ACACB: variants seen among roughly 807,000 people sequenced by gnomAD.
ACACB encodes acetyl-CoA carboxylase 2.
A neutral mutation model predicts 278.8 loss-of-function variants in ACACB; 209 were observed. The ratio of observed to expected loss-of-function variants is 0.75; its 90% CI spans 0.67 to 0.84. ACACB has a LOEUF of 0.84. Ranked by LOEUF, ACACB falls within the 40% of genes least tolerant of loss-of-function variation. The pLI is 0.00. For missense variants in ACACB, 2,850 were observed against 3,269.0 expected (o/e 0.87, Z 3.13); for synonymous variants, 1,174 against 1,285.6 (o/e 0.91, Z 1.86).
At position 109,264,476 on chromosome 12, in the gene ACACB, G is replaced by A. The variant is rs886644511; in HGVS notation, c.6942+90G>A. On this transcript the variant is annotated intron_variant, in intron 50 of 52. Coordinates refer to ENST00000338432, the MANE Select transcript of ACACB (RefSeq NM_001093.4). ...ATTTGGGCTCGGGGGCGGGGAGGGC[G>A]GTGGTGGTTGGGATGGGTCAAATGC... 8.6e-6 allele frequency: 13 copies of A among 1,506,444 alleles called. 1 individual carries two copies. Among genetic ancestry groups the A allele is most frequent in the Middle Eastern group, 2.2e-4 (1 of 4,622 alleles). 93.3% of individuals were successfully genotyped at this position (1,506,444 alleles called of 1,614,324 possible).
chr12:109,258,924 G>C (rs1437837387), intron 46 of ACACB, 49 bp from the exon 47 acceptor site: 1 of 1,607,228 alleles, frequency 6.2e-7, no homozygotes, highest in South Asian at 1.1e-5. Context: ...CCTCTGTCCT[G>C]GGTTGTGGTT....
At chr12:109,222,673 T>C (rs985126036) in intron 25 of ACACB, 53 bp downstream of exon 25, 2 of 1,546,978 alleles carry the variant, frequency 1.3e-6, no homozygotes, top group Non-Finnish European at 1.8e-6. Context: ...CACCCTCCTA[T>C]GTGTCCCCTA....
chr12:109,209,462 C>G lies in ACACB; in HGVS notation c.3249+109C>G, dbSNP rs879065757. ...ATCAAGTTGAACTCCTTGAGACCCA[C>G]TTATAGCCTAACATATCAGGGGCCG... On this transcript the variant is annotated intron_variant, in intron 21 of 52. Transcript: ENST00000338432. 1.1e-5 allele frequency: 12 copies of G among 1,140,838 alleles called. No individual in the cohort carries two copies. In the Admixed American group the frequency reaches 2.6e-4, roughly 24 times the overall value. The allele number at this position is 1,140,838 out of a possible 1,614,324, so 70.7% of individuals were successfully genotyped here. A position where few individuals can be genotyped will look rare whatever the true frequency, so the allele number is the denominator to read the frequency against.
intron 19 of ACACB, among the ~76,000 whole-genome samples, chr12:109,205,220 G>A (rs2045465933): frequency 6.6e-6 from 1 of 152,192 alleles, no homozygotes; most frequent in Non-Finnish European, 1.5e-5. Flanking sequence ...CAGTGGGCAG[G>A]TCTGGGTACC....
intron 17 of ACACB, 127 bp downstream of exon 17, chr12:109,197,280 C>G (rs1159149214): frequency 3.4e-6 from 4 of 1,193,374 alleles, no homozygotes; most frequent in Non-Finnish European, 3.4e-6. Flanking sequence ...CTGGTAAATT[C>G]TGGGGGTGTG....
At chr12:109,160,630 A>G (rs2043693640) in intron 2 of ACACB, among the ~76,000 whole-genome samples, 1 of 152,220 alleles carries the variant, frequency 6.6e-6, no homozygotes, top group Non-Finnish European at 1.5e-5. Context: ...TTCTCACTGG[A>G]CAATGGCACT....
intron 40 of ACACB, among the ~76,000 whole-genome samples, chr12:109,248,802 CACTT>C (rs1370884811): frequency 2.6e-5 from 4 of 152,228 alleles, no homozygotes; most frequent in South Asian, 2.1e-4. Context: ...CTAAAGTTGA[CACTT>C]AATATTAACC....
In ACACB at chr12:109,229,637, C is replaced by A. The variant is rs2268386; in HGVS notation, c.4001+2148C>A. On this transcript the variant is annotated intron_variant, in intron 28 of 52. Coordinates refer to ENST00000338432, the MANE Select transcript of ACACB (RefSeq NM_001093.4). The stretch of plus-strand genomic sequence containing the variant: ...CTCCGCCTCCTGGGTTCAAGCGATT[C>A]TCCTGCCTCAGCCTCCTGAGTAGCT... Among the ~76,000 whole-genome samples the A allele has an allele frequency of 2.6e-5, 4 of 152,296 alleles. No individual in the cohort carries two copies. In the East Asian group the frequency reaches 7.7e-4, roughly 29 times the overall value.
chr12:109,113,949 T>C (rs552551830), upstream of ACACB, among the ~76,000 whole-genome samples: 1 of 152,318 alleles, frequency 6.6e-6, no homozygotes, highest in Admixed American at 6.5e-5. Context: ...CAACAGGAAG[T>C]TCCTTTGTAG....
At position 109,223,863 on chromosome 12, in the gene ACACB, T is replaced by C; in HGVS notation, c.3841T>C (p.Phe1281Leu). The C allele has an allele frequency of 6.2e-7, 1 of 1,614,194 alleles. No individual in the cohort carries two copies. The highest frequency in any genetic ancestry group is 8.5e-7 in the Non-Finnish European group (1 of 1,180,028). Residue 1281 changes from phenylalanine to leucine, a missense_variant, in exon 27 of 53, where the codon TTC becomes CTC. Physicochemically the swap from Phe to Leu is conservative, Grantham distance 22. Coordinates refer to ENST00000338432, the MANE Select transcript of ACACB (RefSeq NM_001093.4). ...TTIFDVLPTF[F>L]YHANKVVCMA... Reference sequence around the variant, plus strand: ...CATCTTCGACGTCCTGCCTACTTTCTTCTATCACGCAAACAAAGTCGTGTG... The same window carrying C: ...CATCTTCGACGTCCTGCCTACTTTCCTCTATCACGCAAACAAAGTCGTGTG...
chr12:109,209,285 G>A lies in ACACB; in HGVS notation c.3181G>A (p.Val1061Ile). The change falls in exon 21 of 53, where the codon GTC becomes ATC. Residue 1061 changes from valine (V) to isoleucine (I), a missense_variant. Around this residue, in one of 3 missense-constraint regions of ACACB, gnomAD observed 2,265 missense variants for 2,561.3 expected, o/e 0.88. Transcript: ENST00000338432. ...GRIPAPVEKS[V>I]RRVMAQYASN... ...CATCCCCGCCCCTGTGGAGAAGTCTGTCCGCAGGGTGATGGCCCAGTATGC... is the reference window on the plus strand; with the variant it reads ...CATCCCCGCCCCTGTGGAGAAGTCTATCCGCAGGGTGATGGCCCAGTATGC... The A allele has an allele frequency of 1.9e-6, 3 of 1,612,790 alleles. No individual in the cohort carries two copies. In the South Asian group the frequency reaches 3.3e-5, roughly 18 times the overall value.
intron 1 of ACACB, among the ~76,000 whole-genome samples, chr12:109,130,639 T>A (rs907397191): frequency 1.3e-5 from 2 of 152,226 alleles, no homozygotes; most frequent in African/African-American, 4.8e-5. Flanking sequence ...AGAAACACTC[T>A]GATCTGTGAC....
Position 109,207,444 on chromosome 12 carries a change from G to A in ACACB, c.3060+588G>A, listed in dbSNP as rs1036325094. ...CCCTGCTTAAGGAGATGACAGACAA[G>A]GCACTTTGTTTGAAACACACCTCTG... is the stretch of plus-strand genomic sequence containing the variant. On this transcript the variant is annotated intron_variant, in intron 20 of 52. Transcript: ENST00000338432. Among the ~76,000 whole-genome samples the A allele has an allele frequency of 3.3e-5, 5 of 152,214 alleles. No individual in the cohort carries two copies. In the South Asian group the frequency reaches 1.0e-3, roughly 32 times the overall value.
Position 109,266,365 on chromosome 12 carries a change from G to T in ACACB, c.*3G>T. 1.2e-6 allele frequency: 2 copies of T among 1,600,058 alleles called. No individual in the cohort carries two copies. Among genetic ancestry groups the T allele is most frequent in the Non-Finnish European group, 1.7e-6 (2 of 1,175,542 alleles). ...TGGACAGCCCGGCCTCCACCTGACC[G>T]TGGCCCGCCCAGCCACTCCCGGGAC... On this transcript the variant is annotated 3_prime_UTR_variant, in exon 53 of 53. Transcript: ENST00000338432.
At chr12:109,154,798 T>C (rs778379597) in intron 2 of ACACB, 2 of 152,802 alleles carry the variant, frequency 1.3e-5, no homozygotes, top group Non-Finnish European at 2.9e-5. Flanking sequence ...GCTGTCCTGC[T>C]GGGTCCCGGG....
rs1462938005 is a variant in ACACB at position 109,267,692 on chromosome 12, T to C, written c.*1330T>C. On this transcript the variant is annotated 3_prime_UTR_variant, in exon 53 of 53. Coordinates refer to ENST00000338432, the MANE Select transcript of ACACB (RefSeq NM_001093.4). ...ACTGAGGACTGGACTGTGGTGACCA[T>C]GCCGATTTGCTCAGGGAGAACGTTG... is the stretch of plus-strand genomic sequence containing the variant. The C allele has an allele frequency of 6.6e-6, 1 of 152,428 alleles. No homozygotes were observed. The highest frequency in any genetic ancestry group is 1.5e-5 in the Non-Finnish European group (1 of 68,194). The allele number at this position is 152,428 out of a possible 1,614,324, so 9.4% of individuals were successfully genotyped here.
intron 4 of ACACB, 93 bp downstream of exon 4, chr12:109,168,127 C>A: frequency 7.3e-7 from 1 of 1,377,520 alleles, no homozygotes; most frequent in South Asian, 1.4e-5. Flanking sequence ...ATCCTGGACT[C>A]CCGATGGTCA....
At chr12:109,254,397 AG>A in intron 44 of ACACB, 63 bp downstream of exon 44, 2 of 1,499,230 alleles carry the variant, frequency 1.3e-6, no homozygotes, top group Non-Finnish European at 8.9e-7. Flanking sequence ...CTTGAGACAA[AG>A]GAGCACTTTG....
chr12:109,220,454 G>A (rs2046126661), intron 24 of ACACB, among the ~76,000 whole-genome samples: 2 of 152,156 alleles, frequency 1.3e-5, no homozygotes, highest in South Asian at 4.1e-4. Context: ...GTGACAAAAC[G>A]AAGCAAACAA....
Sources: allele counts gnomAD v4.1 joint callset (sites outside exome capture counted in the v4.1 genomes callset), GRCh38; gene constraint gnomAD v4.1.1; regional missense constraint gnomAD v4.1.1; transcripts MANE v1.5; gene names NCBI Gene and HGNC (gene_info 2026-07-23, HGNC 2026-07-21).